MRPS5: variants seen among roughly 807,000 people sequenced by gnomAD.
MRPS5 encodes mitochondrial ribosomal protein S5.
MRPS5 carries 27 observed loss-of-function variants against 51.9 expected under a neutral mutation model. The ratio of observed to expected loss-of-function variants is 0.52; its 90% CI spans 0.38 to 0.72. The LOEUF (loss-of-function observed/expected upper bound fraction) is 0.72. MRPS5 is among the 30% of genes least tolerant of loss of function. MRPS5 has a pLI of 0.00. For synonymous variants in MRPS5, 196 were observed against 193.2 expected (o/e 1.01, Z -0.12); for missense variants, 570 against 545.7 (o/e 1.04, Z -0.44).
At chr2:95,105,253 T>A (rs1282392487) in intron 6 of MRPS5, among the ~76,000 whole-genome samples, 1 of 152,186 alleles carries the variant, frequency 6.6e-6, no homozygotes, top group Admixed American at 6.5e-5. Context: ...TCTGTGTATT[T>A]AAAAGGCCAG....
rs1573320083 is a variant in MRPS5 at position 95,087,328 on chromosome 2, C to T, written c.*29G>A. 1.3e-6 allele frequency: 2 copies of T among 1,579,836 alleles called. No individual in the cohort carries two copies. The highest frequency in any genetic ancestry group is 1.1e-5 in the South Asian group (1 of 90,216). The stretch of plus-strand genomic sequence containing the variant: ...AGTCTCTCCTAGGTGCAGGGCAGCA[C>T]AGGAACTGGCTGCACAAGGCCAGAG... On this transcript the variant is annotated 3_prime_UTR_variant, in exon 12 of 12. Coordinates refer to ENST00000272418, the MANE Select transcript of MRPS5 (RefSeq NM_031902.5).
intron 3 of MRPS5, among the ~76,000 whole-genome samples, chr2:95,111,528 T>C (rs986311550): frequency 1.3e-5 from 2 of 152,158 alleles, no homozygotes; most frequent in African/African-American, 4.8e-5. Flanking sequence ...TTTATATATA[T>C]ATAGTAAGAG....
intron 9 of MRPS5, 90 bp downstream of exon 9, chr2:95,100,747 C>A: frequency 9.5e-7 from 1 of 1,048,536 alleles, no homozygotes. Flanking sequence ...AAGAGAGAAA[C>A]ACAAAGATAC....
chr2:95,088,603 G>C (rs1037629799), intron 11 of MRPS5, among the ~76,000 whole-genome samples: 4 of 152,200 alleles, frequency 2.6e-5, no homozygotes, highest in Admixed American at 2.6e-4. Flanking sequence ...ATTTATATTG[G>C]TGTATCTTTC....
chr2:95,119,206 C>T (rs1676372658), intron 1 of MRPS5, among the ~76,000 whole-genome samples: 1 of 152,054 alleles, frequency 6.6e-6, no homozygotes, highest in African/African-American at 2.4e-5. Flanking sequence ...TTCACAAAAA[C>T]AAAAACAAAA....
chr2:95,100,755 T>C (rs1675771363), intron 9 of MRPS5, 82 bp downstream of exon 9: 3 of 1,083,554 alleles, frequency 2.8e-6, no homozygotes, highest in East Asian at 2.5e-5. Flanking sequence ...AACACAAAGA[T>C]ACCTATAGAG....
intron 6 of MRPS5, among the ~76,000 whole-genome samples, chr2:95,105,579 T>C (rs72819453): frequency 0.013 from 2,002 of 152,080 alleles, 23 homozygotes; most frequent in Non-Finnish European, 0.022. Flanking sequence ...ATTAAACTGT[T>C]AACTAAACTG....
At chr2:95,105,508 G>T (rs1167774337) in intron 6 of MRPS5, among the ~76,000 whole-genome samples, 1 of 150,392 alleles carries the variant, frequency 6.6e-6, no homozygotes, top group Non-Finnish European at 1.5e-5. Flanking sequence ...CGATACCACT[G>T]TACTCCAGAC....
intron 10 of MRPS5, chr2:95,090,757 A>G (rs750464192): frequency 2.1e-5 from 10 of 472,478 alleles, no homozygotes; most frequent in Non-Finnish European, 3.8e-5. Context: ...TCTTGAACAC[A>G]TTTTGAGGGC....
chr2:95,118,303 T>C (rs1240958265), intron 1 of MRPS5, among the ~76,000 whole-genome samples: 1 of 152,242 alleles, frequency 6.6e-6, no homozygotes, highest in Admixed American at 6.5e-5. Flanking sequence ...CTCTGCTTCA[T>C]GGCTTTTCTA....
Position 95,100,540 on chromosome 2 carries a change from G to A in MRPS5, c.869-4C>T, listed in dbSNP as rs1675764255. The A allele has an allele frequency of 6.3e-7, 1 of 1,599,812 alleles. No individual in the cohort carries two copies. Among genetic ancestry groups the A allele is most frequent in the Admixed American group, 1.7e-5 (1 of 59,722 alleles). On this transcript the variant is annotated splice_region_variant and splice_polypyrimidine_tract_variant and intron_variant, in intron 9 of 11. Coordinates refer to ENST00000272418, the MANE Select transcript of MRPS5 (RefSeq NM_031902.5). ...CTTAATGAAATATCATGGAATACTG[G>A]AGGGTAAAAACATAAACACAAGAGG...
chr2:95,105,317 AC>A (rs1211475325), intron 6 of MRPS5, among the ~76,000 whole-genome samples: 1 of 152,224 alleles, frequency 6.6e-6, no homozygotes, highest in Admixed American at 6.5e-5. Context: ...CGGGAGGCCG[AC>A]GCAGACGGAT....
At chr2:95,110,428 CTAAGTA>C (rs1267496721) in intron 3 of MRPS5, among the ~76,000 whole-genome samples, 5 of 152,164 alleles carry the variant, frequency 3.3e-5, no homozygotes, top group Non-Finnish European at 5.9e-5. Flanking sequence ...ACTATCCTTC[CTAAGTA>C]TAAGTTTTCT....
At chr2:95,108,442 T>G (rs1304615895) in intron 4 of MRPS5, 34 bp from the exon 5 acceptor site, 1 of 1,539,324 alleles carries the variant, frequency 6.5e-7, no homozygotes, top group Non-Finnish European at 8.9e-7. Context: ...ATAATTTTGT[T>G]AAAGTACTCA....
chr2:95,113,534 T>G (rs1676190800), intron 3 of MRPS5, among the ~76,000 whole-genome samples: 2 of 152,056 alleles, frequency 1.3e-5, no homozygotes, highest in South Asian at 4.1e-4. Flanking sequence ...AAATCTGATA[T>G]ACCCACTAAA....
At chr2:95,098,729 C>A (rs1558679015) in intron 10 of MRPS5, among the ~76,000 whole-genome samples, 1 of 151,816 alleles carries the variant, frequency 6.6e-6, no homozygotes, top group African/African-American at 2.4e-5. Context: ...AGGAGATATA[C>A]CTAATGTAAA....
chr2:95,105,571 T>C (rs1191442157), intron 6 of MRPS5, among the ~76,000 whole-genome samples: 1 of 152,086 alleles, frequency 6.6e-6, no homozygotes, highest in Non-Finnish European at 1.5e-5. Flanking sequence ...CAGGAACTAT[T>C]AAACTGTTAA....
rs1676454168 is a variant in MRPS5 at position 95,121,614 on chromosome 2, G to A, written c.58+120C>T. The A allele has an allele frequency of 4.5e-6, 5 of 1,118,990 alleles. No homozygotes were observed. In the Admixed American group the frequency reaches 1.1e-4, roughly 25 times the overall value. The allele number at this position is 1,118,990 out of a possible 1,614,324, so 69.3% of individuals were successfully genotyped here. On this transcript the variant is annotated intron_variant, in intron 1 of 11. Coordinates refer to ENST00000272418, the MANE Select transcript of MRPS5 (RefSeq NM_031902.5). The stretch of plus-strand genomic sequence containing the variant: ...GGCTCCGGCGGAAGGTGGGGGCACG[G>A]CGTGAAGAGCCGGGGGCCGCGGCTT...
intron 2 of MRPS5, among the ~76,000 whole-genome samples, chr2:95,116,664 A>T (rs1676292810): frequency 6.6e-6 from 1 of 152,210 alleles, no homozygotes; most frequent in Non-Finnish European, 1.5e-5. Flanking sequence ...TGAAGTCCCC[A>T]TCTCAGTTAA....
Sources: gnomAD v4.1 joint callset for allele counts (sites outside exome capture counted in the v4.1 genomes callset) on GRCh38, gnomAD v4.1.1 for gene constraint, MANE v1.5 for transcripts, NCBI Gene and HGNC (gene_info 2026-07-23, HGNC 2026-07-21) for gene names.